Variants in PLAA observed in about 807,000 individuals in gnomAD.
The protein encoded by PLAA is phospholipase A-2-activating protein.
A neutral mutation model predicts 84.1 loss-of-function variants in PLAA; 48 were observed. The observed-to-expected ratio is 0.57, with a 90% CI of 0.45 to 0.73. The LOEUF (loss-of-function observed/expected upper bound fraction) is 0.73. PLAA is among the 30% of genes least tolerant of loss of function. The pLI, the probability that PLAA is intolerant of heterozygous loss-of-function variation, is 0.00. For missense variants in PLAA, 903 were observed against 954.7 expected (o/e 0.95, Z 0.71); for synonymous variants, 392 against 336.6 (o/e 1.16, Z -1.80).
chr9:26,919,570 T>A (rs1824687252), intron 8 of PLAA, 41 bp from the exon 9 acceptor site: 1 of 1,030,072 alleles, frequency 9.7e-7, no homozygotes, highest in African/African-American at 1.6e-5. Flanking sequence ...GCTTATTATC[T>A]GTTCACATAT....
rs755457917 is a variant in PLAA at position 26,928,415 on chromosome 9, A to G, written c.344-7T>C. ...CCAGATGATAGACTACAAACTAAGG[A>G]AAAAACATCATTGGATAACACATTT... On this transcript the variant is annotated splice_polypyrimidine_tract_variant and splice_region_variant and intron_variant, in intron 2 of 13. Coordinates refer to ENST00000397292, the MANE Select transcript of PLAA (RefSeq NM_001031689.3). 2.6e-5 allele frequency: 40 copies of G among 1,532,370 alleles called. No individual in the cohort carries two copies. The highest frequency in any genetic ancestry group is 3.3e-5 in the Non-Finnish European group (37 of 1,105,522). The allele number at this position is 1,532,370 out of a possible 1,614,324, so 94.9% of individuals were successfully genotyped here.
chr9:26,946,478 T>C (rs72719539), intron 1 of PLAA, among the ~76,000 whole-genome samples: 1,904 of 142,630 alleles, frequency 0.013, 18 homozygotes, highest in Non-Finnish European at 0.022. Flanking sequence ...CTTCAAAAAT[T>C]AAATTTTACA....
intron 4 of PLAA, among the ~76,000 whole-genome samples, chr9:26,927,121 G>GTTTTTT (rs1563914299): frequency 1.8e-5 from 2 of 111,150 alleles, no homozygotes; most frequent in Non-Finnish European, 3.5e-5. Context: ...TACTTTTTTT[G>GTTTTTT]TTTTTCTTTT....
chr9:26,924,597 C>T (rs565209459), intron 6 of PLAA, among the ~76,000 whole-genome samples: 1 of 152,274 alleles, frequency 6.6e-6, no homozygotes, highest in East Asian at 1.9e-4. Context: ...CAAACCAAAT[C>T]CAAATGCTTT....
At chr9:26,924,086 C>A (rs538612042) in intron 6 of PLAA, among the ~76,000 whole-genome samples, 2 of 152,218 alleles carry the variant, frequency 1.3e-5, no homozygotes, top group Non-Finnish European at 2.9e-5. Context: ...AAATAAAACA[C>A]CCACTTTATT....
rs772007135 is a variant in PLAA at position 26,905,512 on chromosome 9, T to A, written c.2387A>T (p.Ter796LeuextTer11). 7 of 1,601,144 alleles carry A rather than the reference T, an allele frequency of 4.4e-6. No individual in the cohort carries two copies. The highest frequency in any genetic ancestry group is 1.7e-5 in the Admixed American group (1 of 58,698). ...AATATCCGTCCCTCTTCCCCACTGC[T>A]ACAGCAAATTTAGGATAAATCTACA... ...ECCRFILNLL[*>L] The change falls in exon 14 of 14, where the codon TAG becomes TTG. Residue 796 changes from the stop codon to leucine (L), a stop_lost. Coordinates refer to ENST00000397292, the MANE Select transcript of PLAA (RefSeq NM_001031689.3).
rs1043274530 is a variant in PLAA, at chr9:26,905,465, A to C, written c.*46T>G. 9 of 1,353,824 alleles carry C rather than the reference A, an allele frequency of 6.6e-6. No individual in the cohort carries two copies. The highest frequency in any genetic ancestry group is 6.3e-5 in the Admixed American group (3 of 47,898). 83.9% of individuals were successfully genotyped at this position (1,353,824 alleles called of 1,614,324 possible). A position where few individuals can be genotyped will look rare whatever the true frequency, so the allele number is the denominator to read the frequency against. On this transcript the variant is annotated 3_prime_UTR_variant, in exon 14 of 14. Transcript: ENST00000397292. ...GTTATCAGTCATGTCAAATGTGAGG[A>C]AAAAAACACTAATCAATTAAAAATA...
In PLAA at chr9:26,925,948, G is replaced by A; in HGVS notation, c.746C>T (p.Thr249Ile). 1 of 1,612,752 alleles carries A rather than the reference G, an allele frequency of 6.2e-7. No individual in the cohort carries two copies. Among genetic ancestry groups the A allele is most frequent in the Non-Finnish European group, 8.5e-7 (1 of 1,178,868 alleles). The change falls in exon 6 of 14, where the codon ACA becomes ATA. Residue 249 changes from threonine (T) to isoleucine (I), a missense_variant. Coordinates refer to ENST00000397292, the MANE Select transcript of PLAA (RefSeq NM_001031689.3). ...VFPNCRDFVT[T>I]AEDRSLRIWK... Reference sequence around the variant, plus strand: ...GATTCTCAGAGATCTGTCCTCTGCTGTTGTCACAAAGTCTAAAATTAATGA... The same window carrying A: ...GATTCTCAGAGATCTGTCCTCTGCTATTGTCACAAAGTCTAAAATTAATGA...
At chr9:26,941,573 C>A (rs1411216129) in intron 1 of PLAA, among the ~76,000 whole-genome samples, 1 of 152,012 alleles carries the variant, frequency 6.6e-6, no homozygotes, top group Non-Finnish European at 1.5e-5. Context: ...GCATGAAATA[C>A]AGTGATCAAA....
intron 11 of PLAA, among the ~76,000 whole-genome samples, chr9:26,911,310 G>A (rs997854225): frequency 6.6e-6 from 1 of 152,122 alleles, no homozygotes; most frequent in African/African-American, 2.4e-5. Flanking sequence ...GAGCTACCAC[G>A]CCCGGCTAAT....
intron 2 of PLAA, among the ~76,000 whole-genome samples, chr9:26,933,455 T>TAAATTA (rs922915929): frequency 6.6e-6 from 1 of 150,538 alleles, no homozygotes; most frequent in Non-Finnish European, 1.5e-5. Context: ...CGTCTCAAAA[T>TAAATTA]AAATTAAAAT....
At chr9:26,945,479 CATTCA>C (rs1315318420) in intron 1 of PLAA, among the ~76,000 whole-genome samples, 2 of 152,192 alleles carry the variant, frequency 1.3e-5, no homozygotes, top group East Asian at 1.9e-4. Context: ...GAGATCATCT[CATTCA>C]ATTCAATACA....
intron 1 of PLAA, among the ~76,000 whole-genome samples, chr9:26,937,278 C>G (rs569102575): frequency 8.6e-5 from 13 of 151,832 alleles, no homozygotes; most frequent in Non-Finnish European, 1.6e-4. Flanking sequence ...AAGTGCATGC[C>G]CAGGGAAAAG....
intron 7 of PLAA, among the ~76,000 whole-genome samples, chr9:26,922,478 A>C (rs1392251473): frequency 6.6e-6 from 1 of 152,054 alleles, no homozygotes; most frequent in Non-Finnish European, 1.5e-5. Context: ...ATTAGTTTTG[A>C]CCTCATGGAC....
Position 26,905,281 on chromosome 9 carries a change from T to C in PLAA, c.*230A>G. 2.0e-6 allele frequency: 1 copy of C among 493,870 alleles called. No homozygotes were observed. The highest frequency in any genetic ancestry group is 2.9e-5 in the South Asian group (1 of 34,520). The allele number at this position is 493,870 out of a possible 1,614,324, so 30.6% of individuals were successfully genotyped here. A position where few individuals can be genotyped will look rare whatever the true frequency, so the allele number is the denominator to read the frequency against. ...TTGTGTTGTTGCTGATTATAGCTTA[T>C]TTTAAATTTGTGTTCACACTCTTGA... On this transcript the variant is annotated 3_prime_UTR_variant, in exon 14 of 14. Transcript: ENST00000397292.
rs1563907466 is a variant in PLAA at position 26,913,915 on chromosome 9, T to C, written c.1519A>G (p.Met507Val). The stretch of plus-strand genomic sequence containing the variant: ...TCAACTCCGGCCATGGTAGTTCCCA[T>C]ACTTGCAGAACCTGGTACATAACGA... The part of the protein sequence containing the change: ...AGRYVPGSAS[M>V]GTTMAGVDPF... The change falls in exon 11 of 14, where the codon ATG becomes GTG. Residue 507 changes from methionine to valine, a missense_variant. Coordinates refer to ENST00000397292, the MANE Select transcript of PLAA (RefSeq NM_001031689.3). The C allele has an allele frequency of 6.2e-7, 1 of 1,612,614 alleles. No homozygotes were observed. Among genetic ancestry groups the C allele is most frequent in the South Asian group, 1.1e-5 (1 of 91,026 alleles).
At chr9:26,928,477 A>T in intron 2 of PLAA, 69 bp from the exon 3 acceptor site, 1 of 1,080,586 alleles carries the variant, frequency 9.3e-7, no homozygotes, top group Non-Finnish European at 1.4e-6. Context: ...AAGTTACTAA[A>T]GCATTCCAAT....
At chr9:26,929,703 G>A (rs1825107188) in intron 2 of PLAA, among the ~76,000 whole-genome samples, 1 of 152,112 alleles carries the variant, frequency 6.6e-6, no homozygotes, top group Admixed American at 6.5e-5. Context: ...TTCCTCTTCT[G>A]AATGAGTGTT....
chr9:26,943,736 C>A (rs1225637672), intron 1 of PLAA, among the ~76,000 whole-genome samples: 1 of 151,984 alleles, frequency 6.6e-6, no homozygotes, highest in Non-Finnish European at 1.5e-5. Flanking sequence ...TGCTTAAGCC[C>A]AGGAGTTTGA....
Sources: allele counts gnomAD v4.1 joint callset (sites outside exome capture counted in the v4.1 genomes callset), GRCh38; gene constraint gnomAD v4.1.1; transcripts MANE v1.5; gene names NCBI Gene and HGNC (gene_info 2026-07-23, HGNC 2026-07-21).